The following UVRAG variants were observed in gnomAD, a reference collection of about 807,000 sequenced individuals.
UVRAG encodes the protein UV radiation resistance-associated gene protein.
In UVRAG, 19 loss-of-function variants were observed where a neutral mutation model predicts 78.0. That is an observed-to-expected ratio of 0.24 (90% CI 0.17 to 0.36). UVRAG has a LOEUF of 0.36. UVRAG is among the 10% of genes least tolerant of loss of function. The pLI is 1.00. For missense variants in UVRAG, 740 were observed against 853.8 expected, an observed-to-expected ratio of 0.87 and a Z score of 1.66; for synonymous variants, 323 against 324.6, an observed-to-expected ratio of 1.00 and a Z score of 0.05.
chr11:75,889,214 TAC>T (rs1947161176), intron 5 of UVRAG, among the ~76,000 whole-genome samples: 1 of 152,232 alleles, frequency 6.6e-6, no homozygotes, highest in African/African-American at 2.4e-5. Flanking sequence ...TTAAATGCAA[TAC>T]AGTTTTATGA....
At chr11:76,136,183 T>C (rs1337915759) in intron 14 of UVRAG, among the ~76,000 whole-genome samples, 1 of 152,198 alleles carries the variant, frequency 6.6e-6, no homozygotes, top group Non-Finnish European at 1.5e-5. Context: ...AAAATACTCT[T>C]TTATTTCTTT....
chr11:75,943,538 A>G (rs930128015), intron 6 of UVRAG, among the ~76,000 whole-genome samples: 4 of 152,156 alleles, frequency 2.6e-5, no homozygotes, highest in African/African-American at 9.7e-5. Flanking sequence ...GCTTGCTTTT[A>G]TGCCAAATGT....
In UVRAG at chr11:76,142,168, C is replaced by T. The variant is rs1952734996; in HGVS notation, c.*755C>T. On this transcript the variant is annotated 3_prime_UTR_variant, in exon 15 of 15. Transcript: ENST00000356136. ...CTTGCTCCTGGTGGATCCCAAGGGA[C>T]CCTCAAGGACCTCGAGGTTACTGCA... The T allele has an allele frequency of 6.6e-6, 1 of 152,206 alleles. No homozygotes were observed. Among genetic ancestry groups the T allele is most frequent in the South Asian group, 2.1e-4 (1 of 4,830 alleles). The allele number at this position is 152,206 out of a possible 1,614,324, so 9.4% of individuals were successfully genotyped here. A position where few individuals can be genotyped will look rare whatever the true frequency, so the allele number is the denominator to read the frequency against.
At chr11:76,030,814 T>C (rs1019087445) in intron 12 of UVRAG, among the ~76,000 whole-genome samples, 1 of 152,190 alleles carries the variant, frequency 6.6e-6, no homozygotes, top group Non-Finnish European at 1.5e-5. Context: ...AAACTGTAAT[T>C]CTTTTGGATT....
At chr11:75,883,629 G>T (rs1947005441) in intron 4 of UVRAG, among the ~76,000 whole-genome samples, 1 of 152,130 alleles carries the variant, frequency 6.6e-6, no homozygotes, top group Non-Finnish European at 1.5e-5. Flanking sequence ...TTTGTGTTAA[G>T]GATCCAGAGA....
chr11:75,851,940 C>T lies in UVRAG; in HGVS notation c.175C>T (p.His59Tyr). ...CCGGAACATTGTTAATAGAAATGGC[C>T]ATCAGCTCCTTGATACCTACTTTAC... ...AARNIVNRNG[H>Y]QLLDTYFTLH... The change falls in exon 2 of 15, where the codon CAT becomes TAT. Residue 59 changes from histidine (H) to tyrosine (Y), a missense_variant. Coordinates refer to ENST00000356136, the MANE Select transcript of UVRAG (RefSeq NM_003369.4). 6.2e-7 allele frequency: 1 copy of T among 1,614,006 alleles called. No individual in the cohort carries two copies. Among genetic ancestry groups the T allele is most frequent in the Non-Finnish European group, 8.5e-7 (1 of 1,179,954 alleles).
At chr11:75,938,041 C>T (rs946895598) in intron 6 of UVRAG, among the ~76,000 whole-genome samples, 4 of 151,778 alleles carry the variant, frequency 2.6e-5, no homozygotes, top group African/African-American at 7.3e-5. Flanking sequence ...TTTGTTCATC[C>T]ATCCTTTAAA....
chr11:75,916,578 T>C (rs936549794), intron 6 of UVRAG: 7 of 152,234 alleles, frequency 4.6e-5, no homozygotes, highest in African/African-American at 1.7e-4. Flanking sequence ...AACTGCATGA[T>C]GGATTCTTCT....
chr11:76,038,367 T>A (rs1317126833), intron 12 of UVRAG, among the ~76,000 whole-genome samples: 1 of 151,518 alleles, frequency 6.6e-6, no homozygotes, highest in Non-Finnish European at 1.5e-5. Context: ...AAAAAAAAAA[T>A]ACAAATTGCA....
In UVRAG at chr11:75,918,870, G is replaced by A. The variant is rs967561735; in HGVS notation, c.593+6831G>A. Among the ~76,000 whole-genome samples, 5 of 152,302 alleles carry A rather than the reference G, an allele frequency of 3.3e-5. No individual in the cohort carries two copies. The East Asian group carries it at 5.8e-4, about 18-fold the overall frequency. The stretch of plus-strand genomic sequence containing the variant: ...ATTTCTAGGCTAATATTTAAAAGGT[G>A]ATGAAAATGCAATCAGGTCTGTGAG... On this transcript the variant is annotated intron_variant, in intron 6 of 14. Coordinates refer to ENST00000356136, the MANE Select transcript of UVRAG (RefSeq NM_003369.4).
At chr11:75,906,808 C>T (rs1034806616) in intron 5 of UVRAG, among the ~76,000 whole-genome samples, 4 of 152,120 alleles carry the variant, frequency 2.6e-5, no homozygotes, top group Non-Finnish European at 5.9e-5. Context: ...GTCTATGAAC[C>T]TTTGCTGAAA....
At chr11:76,113,535 C>CT (rs113969021) in intron 13 of UVRAG, among the ~76,000 whole-genome samples, 379 of 150,656 alleles carry the variant, frequency 2.5e-3, no homozygotes, top group Non-Finnish European at 4.2e-3. Flanking sequence ...CAGAGAACTG[C>CT]TTTTTTTTTC....
At chr11:76,077,517 A>G (rs1219038056) in intron 13 of UVRAG, among the ~76,000 whole-genome samples, 1 of 152,220 alleles carries the variant, frequency 6.6e-6, no homozygotes, top group Non-Finnish European at 1.5e-5. Flanking sequence ...TATATTTCCA[A>G]ATGAAAAATA....
At chr11:75,899,811 G>T (rs2134981204) in intron 5 of UVRAG, among the ~76,000 whole-genome samples, 1 of 152,274 alleles carries the variant, frequency 6.6e-6, no homozygotes, top group East Asian at 1.9e-4. Flanking sequence ...TGTAGAGTGG[G>T]CATGCAATGC....
intron 12 of UVRAG, among the ~76,000 whole-genome samples, chr11:76,034,780 C>T (rs2135406796): frequency 6.6e-6 from 1 of 152,168 alleles, no homozygotes; most frequent in Non-Finnish European, 1.5e-5. Flanking sequence ...TTTAAAAAGA[C>T]TTACAAAAGC....
chr11:75,886,237 T>C (rs1359288066), intron 4 of UVRAG, among the ~76,000 whole-genome samples: 1 of 152,190 alleles, frequency 6.6e-6, no homozygotes, highest in Non-Finnish European at 1.5e-5. Flanking sequence ...CTTCATGAAG[T>C]TTACACTTTG....
intron 13 of UVRAG, among the ~76,000 whole-genome samples, chr11:76,088,434 C>T (rs1432251624): frequency 6.6e-6 from 1 of 152,076 alleles, no homozygotes; most frequent in Non-Finnish European, 1.5e-5. Flanking sequence ...CCATAGGCTA[C>T]CTTCCCCCAA....
At chr11:75,954,486 C>A (rs1313726665) in intron 6 of UVRAG, among the ~76,000 whole-genome samples, 1 of 152,156 alleles carries the variant, frequency 6.6e-6, no homozygotes, top group African/African-American at 2.4e-5. Flanking sequence ...GTAAAAATTG[C>A]TGTTTCCTCA....
chr11:76,039,365 A>G (rs1189324190), intron 12 of UVRAG, among the ~76,000 whole-genome samples: 1 of 152,262 alleles, frequency 6.6e-6, no homozygotes, highest in Non-Finnish European at 1.5e-5. Context: ...AACCTATAGC[A>G]AGCATTAGAC....
Sources: allele counts gnomAD v4.1 joint callset (sites outside exome capture counted in the v4.1 genomes callset), GRCh38; gene constraint gnomAD v4.1.1; transcripts MANE v1.5; gene names NCBI Gene and HGNC (gene_info 2026-07-23, HGNC 2026-07-21).